The following TMPRSS11B variants were observed in gnomAD, a reference collection of about 807,000 sequenced individuals.
The protein encoded by TMPRSS11B is transmembrane serine protease 11B, also known as transmembrane protease serine 11B.
A neutral mutation model predicts 44.7 loss-of-function variants in TMPRSS11B; 53 were observed. The ratio of observed to expected loss-of-function variants is 1.19; its 90% CI spans 0.95 to 1.49. TMPRSS11B has a LOEUF of 1.49. TMPRSS11B is among the 40% of genes most tolerant of loss of function. The pLI is 0.00. For missense variants in TMPRSS11B, 526 were observed against 494.8 expected (o/e 1.06, Z -0.60); for synonymous variants, 140 against 159.2 (o/e 0.88, Z 0.91).
At chr4:68,229,940 G>A (rs1331724051) in intron 7 of TMPRSS11B, among the ~76,000 whole-genome samples, 2 of 152,024 alleles carry the variant, frequency 1.3e-5, no homozygotes, top group Non-Finnish European at 2.9e-5. Flanking sequence ...AGGCCCTAAT[G>A]TCTATTGTTC....
chr4:68,245,628 A>G lies in TMPRSS11B; in HGVS notation c.-70T>C. On this transcript the variant is annotated 5_prime_UTR_variant, in exon 1 of 10. Transcript: ENST00000332644. ...GATGATGACGAAGATAACGATAACGATGACAATGCTGGTAATAGTGATGAC... is the reference window on the plus strand; with the variant it reads ...GATGATGACGAAGATAACGATAACGGTGACAATGCTGGTAATAGTGATGAC... The G allele has an allele frequency of 1.3e-6, 2 of 1,562,516 alleles. No homozygotes were observed. Among genetic ancestry groups the G allele is most frequent in the Non-Finnish European group, 8.8e-7 (1 of 1,133,958 alleles).
chr4:68,236,287 A>C, intron 2 of TMPRSS11B, 21 bp from the exon 3 acceptor site: 1 of 1,483,594 alleles, frequency 6.7e-7, no homozygotes. Context: ...AAGAAAAAAA[A>C]ACCTCAAAGA....
In TMPRSS11B at chr4:68,228,748, T is replaced by C. The variant is rs181158969; in HGVS notation, c.1083A>G (p.Ala361=). 624 of 1,609,546 alleles carry C rather than the reference T, an allele frequency of 3.9e-4. 7 individuals carry two copies. In the East Asian group the frequency reaches 0.01, roughly 26 times the overall value. Residue 361 remains alanine, a synonymous_variant, in exon 9 of 10, where the codon GCA becomes GCG. Coordinates refer to ENST00000332644, the MANE Select transcript of TMPRSS11B (RefSeq NM_182502.3). ...ATAATGTAACTAGACATACCTGACA[T>C]GCATCAGCTTCTCCTGACATAAATC... The part of the protein sequence containing the change: ...CAGFMSGEAD[A]CQNDSGGPLA...
chr4:68,228,037 G>A lies in TMPRSS11B; in HGVS notation c.1125C>T (p.Ser375=). ...TTCCAACAAGATGCCAGATATTTCT[G>A]GAATCAGGGTAAGCTAGTGGTCCAC... The part of the protein sequence containing the change: ...DSGGPLAYPD[S]RNIWHLVGIV... The change falls in exon 10 of 10, where the codon TCC becomes TCT. Residue 375 remains serine, a synonymous_variant. Transcript: ENST00000332644. 2 of 1,613,086 alleles carry A rather than the reference G, an allele frequency of 1.2e-6. No individual in the cohort carries two copies. The highest frequency in any genetic ancestry group is 1.7e-6 in the Non-Finnish European group (2 of 1,179,692).
At chr4:68,235,749 A>G (rs982798263) in intron 4 of TMPRSS11B, among the ~76,000 whole-genome samples, 5 of 152,198 alleles carry the variant, frequency 3.3e-5, no homozygotes, top group African/African-American at 1.2e-4. Flanking sequence ...GTATAAGATT[A>G]AAGATTTGTA....
rs373081446 is a variant in TMPRSS11B at position 68,228,884 on chromosome 4, C to G, written c.947G>C (p.Gly316Ala). The G allele has an allele frequency of 1.2e-6, 2 of 1,611,756 alleles. No individual in the cohort carries two copies. Among genetic ancestry groups the G allele is most frequent in the Non-Finnish European group, 1.7e-6 (2 of 1,179,118 alleles). ...VTGWGTLYMNGSFPVILQEDF... is the reference protein window; with the variant it reads ...VTGWGTLYMNASFPVILQEDF... The stretch of plus-strand genomic sequence containing the variant: ...TTCTTGAAGTATCACTGGAAATGAA[C>G]CTAAAAGCAATAAGTGCTGCATATT... The change falls in exon 9 of 10, where the codon GGT (glycine) becomes GCT (alanine). Residue 316 changes from glycine (G) to alanine (A), a missense_variant and splice_region_variant. By Grantham distance (60) the Gly-to-Ala change is moderately conservative (BLOSUM62 0). Coordinates refer to ENST00000332644, the MANE Select transcript of TMPRSS11B (RefSeq NM_182502.3).
intron 9 of TMPRSS11B, among the ~76,000 whole-genome samples, chr4:68,228,433 G>A (rs949007256): frequency 6.6e-6 from 1 of 152,168 alleles, no homozygotes; most frequent in Non-Finnish European, 1.5e-5. Flanking sequence ...TGGATAAAGA[G>A]AAGACAACAT....
At chr4:68,232,211 C>A (rs1719535196) in intron 6 of TMPRSS11B, 167 bp downstream of exon 6, 1 of 445,842 alleles carries the variant, frequency 2.2e-6, no homozygotes. Flanking sequence ...ATTAATAGAC[C>A]AGTGTTTTTC....
chr4:68,242,329 T>TTATATTATATATATATTATATATAA (rs1719872589), intron 1 of TMPRSS11B, among the ~76,000 whole-genome samples: 2 of 9,080 alleles, frequency 2.2e-4, no homozygotes, highest in African/African-American at 5.4e-4. Context: ...ATATATAATA[T>TTATATTATATATATATTATATATAA]TATATTATAT....
chr4:68,236,951 TA>T (rs1719688080), intron 2 of TMPRSS11B, among the ~76,000 whole-genome samples: 1 of 125,328 alleles, frequency 8.0e-6, no homozygotes, highest in Non-Finnish European at 1.7e-5. Context: ...TTATTATTAT[TA>T]TTATACTTTA....
At position 68,245,573 on chromosome 4, in the gene TMPRSS11B, T is replaced by C. The variant is rs766621393; in HGVS notation, c.-15A>G. The C allele has an allele frequency of 6.2e-7, 1 of 1,613,256 alleles. No homozygotes were observed. On this transcript the variant is annotated 5_prime_UTR_variant, in exon 1 of 10. In the 5' UTR this introduces an upstream ATG that the reference lacks. Coordinates refer to ENST00000332644, the MANE Select transcript of TMPRSS11B (RefSeq NM_182502.3). ...TACCTGTACATAATGTTCTGATTGTTATGGCAGTATCAGGTATAACGGTGG... is the reference window on the plus strand; with the variant it reads ...TACCTGTACATAATGTTCTGATTGTCATGGCAGTATCAGGTATAACGGTGG...
At chr4:68,243,613 G>C (rs1287706593) in intron 1 of TMPRSS11B, among the ~76,000 whole-genome samples, 1 of 152,042 alleles carries the variant, frequency 6.6e-6, no homozygotes, top group African/African-American at 2.4e-5. Flanking sequence ...CTCAGGCATA[G>C]CATTTTTAAT....
chr4:68,244,742 C>T (rs887147676), intron 1 of TMPRSS11B, among the ~76,000 whole-genome samples: 4 of 152,130 alleles, frequency 2.6e-5, no homozygotes, highest in Non-Finnish European at 5.9e-5. Context: ...CTTTTAACCA[C>T]TTTTGGGCAC....
At position 68,245,597 on chromosome 4, in the gene TMPRSS11B, G is replaced by A. The variant is rs1425862897; in HGVS notation, c.-39C>T. The A allele has an allele frequency of 1.2e-6, 2 of 1,608,828 alleles. No individual in the cohort carries two copies. The highest frequency in any genetic ancestry group is 4.5e-5 in the East Asian group (2 of 44,796). On this transcript the variant is annotated 5_prime_UTR_variant, in exon 1 of 10. Transcript: ENST00000332644. Reference sequence around the variant, plus strand: ...TTATGGCAGTATCAGGTATAACGGTGGTAATGATGATGACGAAGATAACGA... The same window carrying A: ...TTATGGCAGTATCAGGTATAACGGTAGTAATGATGATGACGAAGATAACGA...
At position 68,229,479 on chromosome 4, in the gene TMPRSS11B, T is replaced by C. The variant is rs12331141; in HGVS notation, c.724A>G (p.Ile242Val). The C allele has an allele frequency of 0.77, 1,237,470 of 1,612,296 alleles. 481,149 individuals are homozygous for C. The highest frequency in any genetic ancestry group is 1 in the East Asian group (44,691 of 44,854). Residue 242 changes from isoleucine to valine, a missense_variant, in exon 8 of 10, where the codon ATT (isoleucine) becomes GTT (valine). Transcript: ENST00000332644. ...NSKDWTVNFG[I>V]VVNKPYMTRK... is the part of the protein sequence containing the mutation. ...GTCATATATGGTTTATTTACTACAATTCCAAAGTTGACAGTCCAATCTTTT... is the reference window on the plus strand; with the variant it reads ...GTCATATATGGTTTATTTACTACAACTCCAAAGTTGACAGTCCAATCTTTT...
At chr4:68,228,639 A>G (rs1719419220) in intron 9 of TMPRSS11B, 103 bp downstream of exon 9, 1 of 1,152,354 alleles carries the variant, frequency 8.7e-7, no homozygotes, top group African/African-American at 1.6e-5. Flanking sequence ...TGAAATACAA[A>G]GCTACTATGT....
chr4:68,240,439 G>C (rs1166856031), intron 2 of TMPRSS11B, among the ~76,000 whole-genome samples: 1 of 152,140 alleles, frequency 6.6e-6, no homozygotes, highest in African/African-American at 2.4e-5. Context: ...AGTCATTGAA[G>C]GGTGAATTAT....
chr4:68,229,734 T>C (rs1719457787), intron 7 of TMPRSS11B: 1 of 426,504 alleles, frequency 2.3e-6, no homozygotes, highest in African/African-American at 2.0e-5. Context: ...TTTCTGAAGA[T>C]CTTTTCAAGT....
At chr4:68,230,818 A>G (rs1719489989) in intron 7 of TMPRSS11B, among the ~76,000 whole-genome samples, 1 of 151,502 alleles carries the variant, frequency 6.6e-6, no homozygotes, top group Non-Finnish European at 1.5e-5. Context: ...AAAAAAAAAA[A>G]GAGCTGAGTG....
Sources: gnomAD v4.1 joint callset for allele counts (sites outside exome capture counted in the v4.1 genomes callset) on GRCh38, gnomAD v4.1.1 for gene constraint, MANE v1.5 for transcripts, NCBI Gene and HGNC (gene_info 2026-07-23, HGNC 2026-07-21) for gene names.